The following TRIM62 variants were observed in gnomAD, a reference collection of about 807,000 sequenced individuals.
The protein encoded by TRIM62 is tripartite motif containing 62, also known as E3 ubiquitin-protein ligase TRIM62.
In TRIM62, 39 loss-of-function variants were observed where a neutral mutation model predicts 44.2. The observed-to-expected ratio is 0.88, with a 90% CI of 0.68 to 1.15. TRIM62 has a LOEUF of 1.15. Ranked by LOEUF, TRIM62 falls within the 50% of genes most tolerant of loss-of-function variation. The pLI, the probability that TRIM62 is intolerant of heterozygous loss-of-function variation, is 0.00. For synonymous variants in TRIM62, 278 were observed against 292.3 expected (o/e 0.95, Z 0.50); for missense variants, 544 against 665.5 (o/e 0.82, Z 2.01).
chr1:33,170,224 G>A (rs1360287615), intron 1 of TRIM62, among the ~76,000 whole-genome samples: 1 of 152,040 alleles, frequency 6.6e-6, no homozygotes, highest in Non-Finnish European at 1.5e-5. Flanking sequence ...CAGCTACTTG[G>A]GAGGCTGAGG....
chr1:33,157,694 C>T (rs558914082), intron 4 of TRIM62, among the ~76,000 whole-genome samples: 1 of 151,984 alleles, frequency 6.6e-6, no homozygotes, highest in East Asian at 1.9e-4. Context: ...ATGAAGTGTC[C>T]AGGCCTCAGT....
intron 4 of TRIM62, among the ~76,000 whole-genome samples, chr1:33,154,024 C>G (rs1357165010): frequency 6.6e-6 from 1 of 152,156 alleles, no homozygotes; most frequent in Non-Finnish European, 1.5e-5. Flanking sequence ...GTTTTATAAA[C>G]TAAGATGCCA....
chr1:33,153,593 T>C (rs1323545373), intron 4 of TRIM62, among the ~76,000 whole-genome samples: 2 of 152,210 alleles, frequency 1.3e-5, no homozygotes, highest in African/African-American at 2.4e-5. Context: ...TCAATGGGGC[T>C]GTGGTTGAGA....
At chr1:33,158,612 A>G (rs551985832) in intron 3 of TRIM62, among the ~76,000 whole-genome samples, 1 of 152,360 alleles carries the variant, frequency 6.6e-6, no homozygotes, top group East Asian at 1.9e-4. Context: ...TGAGAATTAC[A>G]TGGCATAACA....
chr1:33,151,719 G>A lies in TRIM62; in HGVS notation c.878-3992C>T, dbSNP rs77020072. On this transcript the variant is annotated intron_variant, in intron 4 of 4. Coordinates refer to ENST00000291416, the MANE Select transcript of TRIM62 (RefSeq NM_018207.3). ...GGCAGCCCGTCTGGTCTCCAGGTGT[G>A]TTGTCCATTCATTTAAGCATCTCTG... Among the ~76,000 whole-genome samples the A allele has an allele frequency of 4.7e-3, 721 of 152,342 alleles. 3 individuals are homozygous for A. Among genetic ancestry groups the A allele is most frequent in the Non-Finnish European group, 8.7e-3 (589 of 68,038 alleles).
intron 1 of TRIM62, among the ~76,000 whole-genome samples, chr1:33,168,529 C>T (rs1321106975): frequency 6.6e-6 from 1 of 152,200 alleles, no homozygotes; most frequent in Non-Finnish European, 1.5e-5. Flanking sequence ...GGAGCCAGTG[C>T]AACCTGCCGC....
chr1:33,152,301 C>T (rs1050594467), intron 4 of TRIM62, among the ~76,000 whole-genome samples: 1 of 152,306 alleles, frequency 6.6e-6, no homozygotes, highest in African/African-American at 2.4e-5. Flanking sequence ...CTTGGTGGCT[C>T]ACGCCCGTAA....
At chr1:33,158,214 G>T (rs768769906) in intron 4 of TRIM62, 39 bp downstream of exon 4, 1 of 1,583,722 alleles carries the variant, frequency 6.3e-7, no homozygotes, top group Non-Finnish European at 8.7e-7. Context: ...GCTGGGACAT[G>T]CCCCACCTAG....
At chr1:33,166,342 C>T (rs889225599) in intron 1 of TRIM62, 1 of 152,074 alleles carries the variant, frequency 6.6e-6, no homozygotes, top group African/African-American at 2.4e-5. Context: ...ACCCCCACCC[C>T]CTGCGGTTTG....
chr1:33,159,717 GA>G lies in TRIM62; in HGVS notation c.731del (p.Phe244SerfsTer54). On this transcript the variant is annotated frameshift_variant, in exon 3 of 5. Transcript: ENST00000291416. LOFTEE classifies it high-confidence loss of function. This position sits in a 1 kb window ranked among gnomAD's most constrained non-coding sequence, Gnocchi z 4.2. ...CGGACAGTGAGGCCACCCCAGCCAG[GA>G]AGGTGTGCCGGTCGGTTTCAGCCAG... Reference protein sequence around the residue: ...ERLAETDRHTFLAGVASLSER... With the variant: ...ERLAETDRHTXLAGVASLSER... 6.2e-7 allele frequency: 1 copy of G among 1,611,026 alleles called. No homozygotes were observed.
chr1:33,147,158 T>G lies in TRIM62; in HGVS notation c.*19A>C, dbSNP rs1645030758. On this transcript the variant is annotated 3_prime_UTR_variant, in exon 5 of 5. Transcript: ENST00000291416. The surrounding 1 kb of genome is among the most constrained non-coding windows in gnomAD (Gnocchi z 8.1). ...AGGTGGCAGTGGTCCCAGGAGGTTG[T>G]GGTCTCCTTCTGCCTGGACTAGATG... The G allele has an allele frequency of 6.2e-7, 1 of 1,608,294 alleles. No individual in the cohort carries two copies. The highest frequency in any genetic ancestry group is 1.3e-5 in the African/African-American group (1 of 74,838).
chr1:33,158,838 T>G (rs1233986389), intron 3 of TRIM62, among the ~76,000 whole-genome samples: 1 of 150,806 alleles, frequency 6.6e-6, no homozygotes, highest in Non-Finnish European at 1.5e-5. Context: ...AGTTTTTTTC[T>G]TTTTTTTCTT....
rs758671290 is a variant in TRIM62, at chr1:33,159,898, C to T, written c.551G>A (p.Arg184Gln). Reference sequence around the variant, plus strand: ...GCGTTCACGCAGCAGCCGGTGCAGCCGCTCGAAGGCCTCGCCGATAGTGGT... The same window carrying T: ...GCGTTCACGCAGCAGCCGGTGCAGCTGCTCGAAGGCCTCGCCGATAGTGGT... ...LRTTIGEAFE[R>Q]LHRLLRERQK... Residue 184 changes from arginine (R) to glutamine (Q), a missense_variant, in exon 3 of 5, where the codon CGG (arginine) becomes CAG (glutamine). Transcript: ENST00000291416. The surrounding 1 kb of genome is among the most constrained non-coding windows in gnomAD (Gnocchi z 4.2). 58 of 1,610,078 alleles carry T rather than the reference C, an allele frequency of 3.6e-5. No homozygotes were observed. The highest frequency in any genetic ancestry group is 1.2e-4 in the Admixed American group (7 of 60,006).
intron 4 of TRIM62, among the ~76,000 whole-genome samples, chr1:33,150,825 C>A (rs1645086187): frequency 6.6e-6 from 1 of 152,092 alleles, no homozygotes; most frequent in Admixed American, 6.5e-5. Context: ...TGGGCCACCC[C>A]TATGACAGTG....
chr1:33,151,773 G>C (rs1357399400), intron 4 of TRIM62, among the ~76,000 whole-genome samples: 1 of 152,220 alleles, frequency 6.6e-6, no homozygotes, highest in Non-Finnish European at 1.5e-5. Flanking sequence ...CATTCAGGAA[G>C]GATCATGGAC....
chr1:33,174,945 G>GTGTGTATA (rs1172648170), intron 1 of TRIM62, among the ~76,000 whole-genome samples: 54 of 141,740 alleles, frequency 3.8e-4, no homozygotes, highest in African/African-American at 1.5e-3. Context: ...ATATATGTGT[G>GTGTGTATA]TATATATATA....
Position 33,158,310 on chromosome 1 carries a change from A to G in TRIM62, c.820T>C (p.Tyr274His). 1 of 1,614,006 alleles carries G rather than the reference A, an allele frequency of 6.2e-7. No homozygotes were observed. Among genetic ancestry groups the G allele is most frequent in the Non-Finnish European group, 8.5e-7 (1 of 1,179,920 alleles). ...LTYEDFPTSKYTGPLQYTIWK... is the reference protein window; with the variant it reads ...LTYEDFPTSKHTGPLQYTIWK... The stretch of plus-strand genomic sequence containing the variant: ...ATGGTGTACTGCAGGGGGCCTGTGT[A>G]CTTGGAGGTCGGGAAGTCTTCATAT... The change falls in exon 4 of 5, where the codon TAC becomes CAC. Residue 274 changes from tyrosine to histidine, a missense_variant. Transcript: ENST00000291416.
chr1:33,178,063 C>T (rs538780182), intron 1 of TRIM62, among the ~76,000 whole-genome samples: 10 of 152,152 alleles, frequency 6.6e-5, no homozygotes, highest in East Asian at 1.9e-4. Context: ...AAAAGCTGCA[C>T]GCCAACTGCT....
In TRIM62 at chr1:33,175,597, G is replaced by A. The variant is rs13374651; in HGVS notation, c.408+5428C>T. Among the ~76,000 whole-genome samples, 883 of 152,294 alleles carry A rather than the reference G, an allele frequency of 5.8e-3. 12 individuals are homozygous for A. Among genetic ancestry groups the A allele is most frequent in the African/African-American group, 0.02 (842 of 41,556 alleles). ...TTTGGTGCTCCCTGGGACAGTTGGC[G>A]TGTTGGGAAGGAGGGTGAATTCTGA... is the stretch of plus-strand genomic sequence containing the variant. On this transcript the variant is annotated intron_variant, in intron 1 of 4. Transcript: ENST00000291416.
Sources: allele counts gnomAD v4.1 joint callset (sites outside exome capture counted in the v4.1 genomes callset), GRCh38; gene constraint gnomAD v4.1.1; non-coding constraint Gnocchi (gnomAD v3.1); transcripts MANE v1.5; gene names NCBI Gene and HGNC (gene_info 2026-07-23, HGNC 2026-07-21).